Variants in ACADM observed in about 807,000 individuals in gnomAD.
ACADM encodes the protein medium-chain specific acyl-CoA dehydrogenase, mitochondrial.
Under a neutral mutation model 58.9 loss-of-function variants are expected in ACADM, and 49 were observed. The observed-to-expected ratio is 0.83, with a 90% confidence interval of 0.66 to 1.06. The LOEUF is 1.06. ACADM is among the 50% of genes least tolerant of loss of function. ACADM has a pLI of 0.00. For synonymous variants in ACADM, 160 were observed against 157.7 expected (o/e 1.01, Z -0.11); for missense variants, 496 against 507.0 (o/e 0.98, Z 0.21).
At chr1:75,739,757 C>T (rs572198074) in intron 6 of ACADM, among the ~76,000 whole-genome samples, 15 of 152,318 alleles carry the variant, frequency 9.8e-5, no homozygotes, top group Non-Finnish European at 1.9e-4. Flanking sequence ...CATTGAGCCT[C>T]TGCATTCCAG....
intron 6 of ACADM, among the ~76,000 whole-genome samples, chr1:75,735,442 G>T (rs1312793416): frequency 6.6e-6 from 1 of 152,132 alleles, no homozygotes; most frequent in Non-Finnish European, 1.5e-5. Flanking sequence ...TACTTCAGGA[G>T]AGAGAGCTCT....
intron 10 of ACADM, among the ~76,000 whole-genome samples, chr1:75,756,385 A>G (rs1648507033): frequency 6.6e-6 from 1 of 151,086 alleles, no homozygotes; most frequent in South Asian, 2.1e-4. Context: ...TACAAAATCA[A>G]TGTGCAAAAA....
At chr1:75,744,381 T>G in intron 7 of ACADM, 1 of 1,550,640 alleles carries the variant, frequency 6.4e-7, no homozygotes, top group Non-Finnish European at 8.9e-7. Context: ...CTTCGACTTT[T>G]CCCCCATCAG....
At chr1:75,761,694 A>T in intron 11 of ACADM, 1 of 289,500 alleles carries the variant, frequency 3.5e-6, no homozygotes, top group South Asian at 4.2e-5. Flanking sequence ...TTTAAAATTA[A>T]TTATTTTGAT....
intron 10 of ACADM, among the ~76,000 whole-genome samples, chr1:75,751,204 G>A (rs988376946): frequency 4.0e-5 from 6 of 151,374 alleles, no homozygotes; most frequent in East Asian, 2.1e-4. Flanking sequence ...GCCGAGCATG[G>A]TGGTGGGCGC....
chr1:75,730,592 A>G (rs928257566), intron 2 of ACADM, among the ~76,000 whole-genome samples: 1 of 149,144 alleles, frequency 6.7e-6, no homozygotes, highest in Admixed American at 6.7e-5. Flanking sequence ...CCCAAGCTGG[A>G]TGCAACCTTG....
intron 6 of ACADM, among the ~76,000 whole-genome samples, chr1:75,737,663 C>T (rs1647344262): frequency 6.6e-6 from 1 of 152,016 alleles, no homozygotes; most frequent in Non-Finnish European, 1.5e-5. Flanking sequence ...GTCAAAAGAC[C>T]ATCTGGCTGA....
At position 75,745,928 on chromosome 1, in the gene ACADM, T is replaced by C. The variant is rs764426106; in HGVS notation, c.708+14T>C. On this transcript the variant is annotated intron_variant, in intron 8 of 11. Coordinates refer to ENST00000370841, the MANE Select transcript of ACADM (RefSeq NM_000016.6). Reference sequence around the variant, plus strand: ...ATTGGGAGAAAGGTAAAGTATTTATTAATGATTAGGGCCCCAAATATTATT... The same window carrying C: ...ATTGGGAGAAAGGTAAAGTATTTATCAATGATTAGGGCCCCAAATATTATT... 2 of 1,547,510 alleles carry C rather than the reference T, an allele frequency of 1.3e-6. No homozygotes were observed.
At chr1:75,739,311 A>C (rs185388440) in intron 6 of ACADM, among the ~76,000 whole-genome samples, 3 of 152,216 alleles carry the variant, frequency 2.0e-5, no homozygotes, top group African/African-American at 7.2e-5. Flanking sequence ...GAAAATCTCT[A>C]GGACTGAATG....
chr1:75,741,253 T>A (rs1018560807), intron 7 of ACADM, among the ~76,000 whole-genome samples: 34 of 152,162 alleles, frequency 2.2e-4, no homozygotes, highest in African/African-American at 8.0e-4. Context: ...AAAACATCAT[T>A]TTTTTTCAGA....
intron 6 of ACADM, among the ~76,000 whole-genome samples, chr1:75,738,344 C>T (rs2100384698): frequency 6.6e-6 from 1 of 152,264 alleles, no homozygotes; most frequent in South Asian, 2.1e-4. Flanking sequence ...CCTCAGCCTC[C>T]CAAGTAGCTG....
intron 2 of ACADM, 42 bp from the exon 3 acceptor site, chr1:75,732,602 C>T: frequency 3.4e-6 from 5 of 1,466,750 alleles, no homozygotes; most frequent in Non-Finnish European, 4.8e-6. Context: ...GACATTTTTC[C>T]TTGTTATCCA....
chr1:75,743,551 AC>A, intron 7 of ACADM: 1 of 1,601,790 alleles, frequency 6.2e-7, no homozygotes, highest in Non-Finnish European at 8.6e-7. Flanking sequence ...CTGCACCTCT[AC>A]CTTGCCTCCT....
intron 7 of ACADM, chr1:75,743,329 A>G: frequency 7.0e-7 from 1 of 1,432,344 alleles, no homozygotes; most frequent in Admixed American, 2.0e-5. Flanking sequence ...TGTGCCTGTC[A>G]CCAGGCTAAC....
At chr1:75,743,388 T>C in intron 7 of ACADM, 2 of 1,600,622 alleles carry the variant, frequency 1.2e-6, no homozygotes, top group East Asian at 2.2e-5. Flanking sequence ...AGTTCCTGCA[T>C]GATCAATTTG....
At chr1:75,729,553 G>A (rs1174654861) in intron 2 of ACADM, among the ~76,000 whole-genome samples, 4 of 151,010 alleles carry the variant, frequency 2.6e-5, no homozygotes, top group Admixed American at 2.6e-4. Flanking sequence ...ACCCAGGCTG[G>A]TGTGCAAGTG....
chr1:75,742,370 T>C (rs374800213), intron 7 of ACADM, among the ~76,000 whole-genome samples: 45 of 152,112 alleles, frequency 3.0e-4, no homozygotes, highest in African/African-American at 1.0e-3. Flanking sequence ...ACTAACACCC[T>C]CAGGGTGGTT....
At chr1:75,743,485 G>T in intron 7 of ACADM, 1 of 1,610,808 alleles carries the variant, frequency 6.2e-7, no homozygotes, top group Non-Finnish European at 8.5e-7. Flanking sequence ...GAAAGTCACA[G>T]CCTCTCTGCC....
rs967424024 is a variant in ACADM at position 75,763,517 on chromosome 1, C to T, written c.*754C>T. ...TTATCATATCTTTCTGTATTTTTTC[C>T]AGGAAATTTCATTACTTCGTGTAAT... On this transcript the variant is annotated 3_prime_UTR_variant, in exon 12 of 12. Transcript: ENST00000370841. 4.6e-5 allele frequency: 7 copies of T among 151,848 alleles called. No individual in the cohort carries two copies. The highest frequency in any genetic ancestry group is 1.0e-4 in the Non-Finnish European group (7 of 67,978). 9.4% of individuals were successfully genotyped at this position (151,848 alleles called of 1,614,324 possible). A position where few individuals can be genotyped will look rare whatever the true frequency, so the allele number is the denominator to read the frequency against.
Sources: gnomAD v4.1 joint callset for allele counts (sites outside exome capture counted in the v4.1 genomes callset) on GRCh38, gnomAD v4.1.1 for gene constraint, MANE v1.5 for transcripts, NCBI Gene and HGNC (gene_info 2026-07-23, HGNC 2026-07-21) for gene names.